The following OPRD1 variants were observed in gnomAD, a reference collection of about 807,000 sequenced individuals.
OPRD1 encodes delta-type opioid receptor.
Under a neutral mutation model 17.5 loss-of-function variants are expected in OPRD1, and 19 were observed. The observed-to-expected ratio is 1.09, with a 90% CI of 0.76 to 1.60. OPRD1 has a LOEUF of 1.60. Among genes scored for constraint, OPRD1 ranks in the 40% most tolerant of loss-of-function variants. The probability of loss-of-function intolerance (pLI) is 0.00; values close to 1 mark genes in which losing one functional copy is unlikely to be tolerated. For synonymous variants in OPRD1, 256 were observed against 240.9 expected, an observed-to-expected ratio of 1.06 and a Z score of -0.58; for missense variants, 483 against 547.2, an observed-to-expected ratio of 0.88 and a Z score of 1.17.
chr1:28,848,563 C>T (rs1055178629), intron 1 of OPRD1, among the ~76,000 whole-genome samples: 4 of 152,180 alleles, frequency 2.6e-5, no homozygotes, highest in African/African-American at 4.8e-5. Flanking sequence ...GCCAGACTGT[C>T]GCCATTACTC....
intron 1 of OPRD1, among the ~76,000 whole-genome samples, chr1:28,852,178 A>AG (rs996450670): frequency 6.6e-6 from 1 of 150,964 alleles, no homozygotes; most frequent in African/African-American, 2.4e-5. Context: ...AAAAAAAAAA[A>AG]AAAAAAAAGA....
intron 1 of OPRD1, among the ~76,000 whole-genome samples, chr1:28,818,726 T>C (rs919981512): frequency 6.6e-6 from 1 of 152,122 alleles, no homozygotes; most frequent in Non-Finnish European, 1.5e-5. Context: ...CCATGATTCC[T>C]GAGGAGATAC....
At chr1:28,815,365 C>G (rs149424126) in intron 1 of OPRD1, among the ~76,000 whole-genome samples, 1 of 152,336 alleles carries the variant, frequency 6.6e-6, no homozygotes, top group East Asian at 1.9e-4. Flanking sequence ...CTCGGCCTCC[C>G]AAAGTGCTGG....
At chr1:28,861,850 C>T (rs1041687467) in intron 2 of OPRD1, among the ~76,000 whole-genome samples, 7 of 152,066 alleles carry the variant, frequency 4.6e-5, no homozygotes, top group African/African-American at 7.2e-5. Context: ...CCTGTGGGTA[C>T]GCCAAGAGCT....
intron 1 of OPRD1, among the ~76,000 whole-genome samples, chr1:28,813,148 C>G (rs2088646436): frequency 6.6e-6 from 1 of 152,196 alleles, no homozygotes; most frequent in Admixed American, 6.5e-5. Context: ...TTGTCCCTAA[C>G]GGTCAGTTTG....
chr1:28,826,017 T>A (rs960616736), intron 1 of OPRD1, among the ~76,000 whole-genome samples: 2 of 152,130 alleles, frequency 1.3e-5, no homozygotes, highest in African/African-American at 4.8e-5. Flanking sequence ...GCTGACAGTC[T>A]AGTGGGGAAA....
At chr1:28,843,803 A>G in intron 1 of OPRD1, among the ~76,000 whole-genome samples, 1 of 151,996 alleles carries the variant, frequency 6.6e-6, no homozygotes, top group South Asian at 2.1e-4. Context: ...ATTTTTTGTA[A>G]AACTGGCTTT....
chr1:28,838,498 A>G (rs1293584226), intron 1 of OPRD1, among the ~76,000 whole-genome samples: 1 of 152,172 alleles, frequency 6.6e-6, no homozygotes, highest in Non-Finnish European at 1.5e-5. Flanking sequence ...GTTACCCATC[A>G]GAGCCTCTTC....
At chr1:28,812,631 C>A (rs1171654830) in intron 1 of OPRD1, 21 bp downstream of exon 1, 3 of 1,468,824 alleles carry the variant, frequency 2.0e-6, no homozygotes, top group South Asian at 2.6e-5. Flanking sequence ...TGCGGGCCGG[C>A]GCCGCAGGGC....
At position 28,859,294 on chromosome 1, in the gene OPRD1, C is replaced by G; in HGVS notation, c.568C>G (p.Arg190Gly). ...GCCCATCATGGTCATGGCTGTGACCCGTCCCCGGGGTGAGTGAGTGAGTGC... is the reference window on the plus strand; with the variant it reads ...GCCCATCATGGTCATGGCTGTGACCGGTCCCCGGGGTGAGTGAGTGAGTGC... ...GVPIMVMAVTRPRDGAVVCML... is the reference protein window; with the variant it reads ...GVPIMVMAVTGPRDGAVVCML... The change falls in exon 2 of 3, where the codon CGT (arginine) becomes GGT (glycine). Residue 190 changes from arginine (R) to glycine (G), a missense_variant. Coordinates refer to ENST00000234961, the MANE Select transcript of OPRD1 (RefSeq NM_000911.4). 1 of 1,612,082 alleles carries G rather than the reference C, an allele frequency of 6.2e-7. No individual in the cohort carries two copies. The highest frequency in any genetic ancestry group is 1.1e-5 in the South Asian group (1 of 90,890).
At chr1:28,852,944 T>C (rs943087101) in intron 1 of OPRD1, among the ~76,000 whole-genome samples, 2 of 152,112 alleles carry the variant, frequency 1.3e-5, no homozygotes, top group African/African-American at 4.8e-5. Flanking sequence ...AATCTCAAAC[T>C]CCTGGCCTCA....
In OPRD1 at chr1:28,863,508, C is replaced by T. The variant is rs970535328; in HGVS notation, c.*225C>T. On this transcript the variant is annotated 3_prime_UTR_variant, in exon 3 of 3. Coordinates refer to ENST00000234961, the MANE Select transcript of OPRD1 (RefSeq NM_000911.4). ...AGGACAGATCAATGGCGCAGTGCCT[C>T]TGGTCTGGGTGCCCCGTCCACGGCT... The T allele has an allele frequency of 5.5e-5, 27 of 491,480 alleles. No individual in the cohort carries two copies. Among genetic ancestry groups the T allele is most frequent in the Non-Finnish European group, 1.7e-5 (5 of 290,776 alleles). 30.4% of individuals were successfully genotyped at this position (491,480 alleles called of 1,614,324 possible).
rs169450 is a variant in OPRD1, at chr1:28,871,216, T to G, written c.*7933T>G. On this transcript the variant is annotated 3_prime_UTR_variant, in exon 3 of 3. Transcript: ENST00000234961. ...CCCCAGGCTCCATCTTGGTACCAAG[T>G]ACTCAACCTTCTGTTTTCTCAATAA... is the stretch of plus-strand genomic sequence containing the variant. 110,590 of 151,694 alleles carry G rather than the reference T, an allele frequency of 0.73. 40,973 individuals carry two copies. The highest frequency in any genetic ancestry group is 0.91 in the East Asian group (4,682 of 5,142). 9.4% of individuals were successfully genotyped at this position (151,694 alleles called of 1,614,324 possible). A position where few individuals can be genotyped will look rare whatever the true frequency, so the allele number is the denominator to read the frequency against.
chr1:28,818,639 T>A (rs2088689201), intron 1 of OPRD1, among the ~76,000 whole-genome samples: 1 of 152,126 alleles, frequency 6.6e-6, no homozygotes, highest in Non-Finnish European at 1.5e-5. Flanking sequence ...AGGAAAGGCG[T>A]CGTAAGCAGG....
chr1:28,846,755 T>C (rs2088948157), intron 1 of OPRD1, among the ~76,000 whole-genome samples: 1 of 151,730 alleles, frequency 6.6e-6, no homozygotes, highest in South Asian at 2.1e-4. Context: ...GTAAGTGCAG[T>C]AATCCCACCA....
At chr1:28,850,823 AAT>A in intron 1 of OPRD1, among the ~76,000 whole-genome samples, 1 of 136,254 alleles carries the variant, frequency 7.3e-6, no homozygotes, top group East Asian at 2.1e-4. Flanking sequence ...TAATAATAAT[AAT>A]AATAATAAAA....
intron 1 of OPRD1, among the ~76,000 whole-genome samples, chr1:28,821,525 G>C (rs1358197680): frequency 6.6e-6 from 1 of 152,066 alleles, no homozygotes; most frequent in Non-Finnish European, 1.5e-5. Flanking sequence ...GTCATGAGCC[G>C]ACACACCCAG....
intron 1 of OPRD1, among the ~76,000 whole-genome samples, chr1:28,824,767 G>A (rs1483657193): frequency 6.6e-6 from 1 of 152,128 alleles, no homozygotes; most frequent in Non-Finnish European, 1.5e-5. Flanking sequence ...TCAGAGAAAC[G>A]ACATAACATG....
chr1:28,859,472 G>A (rs554583861), intron 2 of OPRD1, among the ~76,000 whole-genome samples, 169 bp downstream of exon 2: 1 of 152,328 alleles, frequency 6.6e-6, no homozygotes, highest in South Asian at 2.1e-4. Context: ...TGGGAGTGTA[G>A]AAGAAGGTCA....
Sources: gnomAD v4.1 joint callset for allele counts (sites outside exome capture counted in the v4.1 genomes callset) on GRCh38, gnomAD v4.1.1 for gene constraint, MANE v1.5 for transcripts, NCBI Gene and HGNC (gene_info 2026-07-23, HGNC 2026-07-21) for gene names.